The following GPR158 variants were observed in gnomAD, a reference collection of about 807,000 sequenced individuals.
GPR158 encodes the protein G protein-coupled receptor 158.
Under a neutral mutation model 78.2 loss-of-function variants are expected in GPR158, and 30 were observed. The ratio of observed to expected loss-of-function variants is 0.38; its 90% CI spans 0.29 to 0.52. The LOEUF (loss-of-function observed/expected upper bound fraction) is 0.52. GPR158 is among the 20% of genes least tolerant of loss of function. The probability of loss-of-function intolerance (pLI) is 0.83; values close to 1 mark genes in which losing one functional copy is unlikely to be tolerated. For synonymous variants in GPR158, 581 were observed against 591.1 expected, an observed-to-expected ratio of 0.98 and a Z score of 0.25; for missense variants, 1,463 against 1,523.5, an observed-to-expected ratio of 0.96 and a Z score of 0.66.
intron 2 of GPR158, among the ~76,000 whole-genome samples, chr10:25,313,539 T>TAAA (rs751409643): frequency 2.2e-4 from 33 of 152,144 alleles, no homozygotes; most frequent in Non-Finnish European, 1.8e-4. Flanking sequence ...TGAGGGCTTT[T>TAAA]AAGTCAGAAA....
At chr10:25,575,727 A>T (rs1175363860) in intron 7 of GPR158, among the ~76,000 whole-genome samples, 1 of 152,066 alleles carries the variant, frequency 6.6e-6, no homozygotes, top group African/African-American at 2.4e-5. Flanking sequence ...TTCAATTATT[A>T]TTTCAAATCC....
chr10:25,177,833 C>T (rs1314961065), intron 1 of GPR158, among the ~76,000 whole-genome samples: 2 of 152,160 alleles, frequency 1.3e-5, no homozygotes, highest in African/African-American at 4.8e-5. Flanking sequence ...GTTTCTATCT[C>T]TTTTAAAGGT....
At chr10:25,179,959 G>T (rs1398813986) in intron 1 of GPR158, among the ~76,000 whole-genome samples, 1 of 152,112 alleles carries the variant, frequency 6.6e-6, no homozygotes, top group African/African-American at 2.4e-5. Context: ...CTATGGAGTT[G>T]GATCCCATTC....
chr10:25,283,567 G>A (rs780051501), intron 2 of GPR158, among the ~76,000 whole-genome samples: 2 of 151,770 alleles, frequency 1.3e-5, no homozygotes, highest in Non-Finnish European at 2.9e-5. Flanking sequence ...AAAATAACTC[G>A]CTTTTGGTTT....
At chr10:25,475,393 C>T (rs1031385551) in intron 5 of GPR158, 1 of 152,046 alleles carries the variant, frequency 6.6e-6, no homozygotes, top group African/African-American at 2.4e-5. Flanking sequence ...TTTGTAATGG[C>T]TCGAGATAAT....
intron 6 of GPR158, among the ~76,000 whole-genome samples, chr10:25,569,267 AT>A (rs11366891): frequency 0.22 from 33,013 of 152,050 alleles, 4,567 homozygotes; most frequent in Non-Finnish European, 0.31. Flanking sequence ...AACATTTTTG[AT>A]AATTTGGAAA....
At chr10:25,341,677 C>G (rs1196899479) in intron 2 of GPR158, among the ~76,000 whole-genome samples, 2 of 151,800 alleles carry the variant, frequency 1.3e-5, no homozygotes, top group Non-Finnish European at 2.9e-5. Context: ...ATAAGCAAAT[C>G]ATTCGTCTCT....
At chr10:25,436,194 G>GT (rs1834995495) in intron 4 of GPR158, among the ~76,000 whole-genome samples, 1 of 152,192 alleles carries the variant, frequency 6.6e-6, no homozygotes, top group African/African-American at 2.4e-5. Context: ...TGTGCCCGGT[G>GT]TTACATGAGA....
intron 3 of GPR158, among the ~76,000 whole-genome samples, chr10:25,403,066 A>C (rs895424891): frequency 6.6e-6 from 1 of 151,780 alleles, no homozygotes; most frequent in Admixed American, 6.6e-5. Context: ...TCTTTCTAAA[A>C]ATTTGGAATT....
Position 25,188,841 on chromosome 10 carries a change from C to G in GPR158, c.902+12519C>G, listed in dbSNP as rs543746503. On this transcript the variant is annotated intron_variant, in intron 1 of 10. Transcript: ENST00000376351. ...CAAAAGAAACTACCATCAGAGTGAA[C>G]AGGCAACCTACAGAATGGGAGAAAA... is the stretch of plus-strand genomic sequence containing the variant. Among the ~76,000 whole-genome samples, 715 of 152,274 alleles carry G rather than the reference C, an allele frequency of 4.7e-3. 11 individuals carry two copies. The highest frequency in any genetic ancestry group is 0.016 in the African/African-American group (685 of 41,542).
At chr10:25,536,950 G>A (rs999490193) in intron 5 of GPR158, among the ~76,000 whole-genome samples, 4 of 152,214 alleles carry the variant, frequency 2.6e-5, no homozygotes, top group Non-Finnish European at 5.9e-5. Flanking sequence ...TCGTATGCAC[G>A]TGAAGATGTG....
At chr10:25,493,786 G>A (rs1225043866) in intron 5 of GPR158, among the ~76,000 whole-genome samples, 3 of 152,210 alleles carry the variant, frequency 2.0e-5, no homozygotes, top group Non-Finnish European at 4.4e-5. Flanking sequence ...GGCTGTGAAA[G>A]TGTATATTTT....
rs564173124 is a variant in GPR158, at chr10:25,412,553, C to A, written c.1335+80C>A. The stretch of plus-strand genomic sequence containing the variant: ...TTTAAGCAAACAGAATTTTCCAATT[C>A]AAGTTGCTTCCCTCCTAAGCAGCAG... On this transcript the variant is annotated intron_variant, in intron 4 of 10. Coordinates refer to ENST00000376351, the MANE Select transcript of GPR158 (RefSeq NM_020752.3). 4.9e-5 allele frequency: 45 copies of A among 924,910 alleles called. No individual in the cohort carries two copies. The East Asian group carries it at 1.0e-3, about 21-fold the overall frequency. 57.3% of individuals were successfully genotyped at this position (924,910 alleles called of 1,614,324 possible). A position where few individuals can be genotyped will look rare whatever the true frequency, so the allele number is the denominator to read the frequency against.
At chr10:25,342,050 A>T (rs1179642240) in intron 2 of GPR158, among the ~76,000 whole-genome samples, 1 of 151,862 alleles carries the variant, frequency 6.6e-6, no homozygotes, top group African/African-American at 2.4e-5. Context: ...AATATACTAT[A>T]CCTTCATATC....
chr10:25,498,185 G>T (rs1022101511), intron 5 of GPR158, among the ~76,000 whole-genome samples: 5 of 152,100 alleles, frequency 3.3e-5, no homozygotes, highest in African/African-American at 1.2e-4. Flanking sequence ...GTATTACCAG[G>T]CTTCCAAACA....
At chr10:25,225,982 G>GT (rs575816281) in intron 2 of GPR158, among the ~76,000 whole-genome samples, 187 of 152,250 alleles carry the variant, frequency 1.2e-3, no homozygotes, top group African/African-American at 4.3e-3. Context: ...ACTACAGTGG[G>GT]TTTAGAGTAC....
intron 7 of GPR158, among the ~76,000 whole-genome samples, chr10:25,580,905 TTTATTTTATTTTA>T (rs1564496577): frequency 9.9e-6 from 1 of 100,556 alleles, no homozygotes; most frequent in Non-Finnish European, 1.9e-5. Context: ...TTTTTATTTT[TTTATTTTATTTTA>T]TTTTATTTTA....
intron 2 of GPR158, among the ~76,000 whole-genome samples, chr10:25,316,614 A>G (rs1467622714): frequency 6.6e-6 from 1 of 152,174 alleles, no homozygotes; most frequent in Non-Finnish European, 1.5e-5. Context: ...ACAACTATTG[A>G]CAATTTAACT....
At chr10:25,296,877 C>T (rs77550066) in intron 2 of GPR158, among the ~76,000 whole-genome samples, 1,904 of 152,256 alleles carry the variant, frequency 0.013, 47 homozygotes, top group African/African-American at 0.043. Flanking sequence ...TATAAATACT[C>T]GTTGAGTGTT....
Sources: gnomAD v4.1 joint callset for allele counts (sites outside exome capture counted in the v4.1 genomes callset) on GRCh38, gnomAD v4.1.1 for gene constraint, MANE v1.5 for transcripts, NCBI Gene and HGNC (gene_info 2026-07-23, HGNC 2026-07-21) for gene names.